NOVA1: variants seen among roughly 807,000 people sequenced by gnomAD.
The protein encoded by NOVA1 is NOVA alternative splicing regulator 1, also known as RNA-binding protein Nova-1.
NOVA1 carries 7 observed loss-of-function variants against 38.0 expected under a neutral mutation model. The observed-to-expected ratio is 0.18, with a 90% CI of 0.10 to 0.35. NOVA1 has a LOEUF of 0.35. Ranked by LOEUF, NOVA1 falls within the 10% of genes least tolerant of loss-of-function variation. The pLI, the probability that NOVA1 is intolerant of heterozygous loss-of-function variation, is 1.00. For missense variants in NOVA1, 460 were observed against 616.0 expected (o/e 0.75, Z 2.68); for synonymous variants, 270 against 232.5 (o/e 1.16, Z -1.47).
At chr14:26,595,252 A>G (rs1213519209) in intron 2 of NOVA1, among the ~76,000 whole-genome samples, 158 bp downstream of exon 2, 1 of 152,194 alleles carries the variant, frequency 6.6e-6, no homozygotes, top group African/African-American at 2.4e-5. Flanking sequence ...AACAATAGAA[A>G]TAATCTGAAA....
At chr14:26,472,434 C>A in intron 3 of NOVA1, 43 bp from the exon 4 acceptor site, 1 of 833,966 alleles carries the variant, frequency 1.2e-6, no homozygotes, top group Non-Finnish European at 1.8e-6. Flanking sequence ...CCTTTATAAG[C>A]CTTAAACTGA....
At chr14:26,568,367 G>A (rs981071083) in intron 2 of NOVA1, 2 of 152,146 alleles carry the variant, frequency 1.3e-5, no homozygotes, top group African/African-American at 4.8e-5. Flanking sequence ...GAGTCAGACA[G>A]ACTTGAGTAC....
At chr14:26,492,648 G>A (rs1479763998) in intron 2 of NOVA1, among the ~76,000 whole-genome samples, 1 of 152,092 alleles carries the variant, frequency 6.6e-6, no homozygotes, top group Non-Finnish European at 1.5e-5. Flanking sequence ...CTATAATGCT[G>A]AGAACAAATA....
At chr14:26,549,590 C>A in intron 2 of NOVA1, 1 of 420,684 alleles carries the variant, frequency 2.4e-6, no homozygotes, top group Non-Finnish European at 4.1e-6. Flanking sequence ...TTTAACTGAC[C>A]TCAATACACT....
At chr14:26,454,997 A>G (rs1320746005) in intron 4 of NOVA1, among the ~76,000 whole-genome samples, 2 of 152,288 alleles carry the variant, frequency 1.3e-5, no homozygotes, top group Non-Finnish European at 2.9e-5. Context: ...CTTCAAATAA[A>G]TAAAAATCTG....
intron 4 of NOVA1, among the ~76,000 whole-genome samples, chr14:26,464,372 G>T (rs1200053929): frequency 6.6e-6 from 1 of 152,174 alleles, no homozygotes; most frequent in African/African-American, 2.4e-5. Flanking sequence ...TGCTGTATAG[G>T]TTTGTAGCCT....
At chr14:26,462,073 G>T (rs994368870) in intron 4 of NOVA1, among the ~76,000 whole-genome samples, 2 of 151,900 alleles carry the variant, frequency 1.3e-5, no homozygotes, top group East Asian at 1.9e-4. Flanking sequence ...TTGACAAAAA[G>T]ATTTTTTTTT....
chr14:26,572,978 G>C (rs538121486), intron 2 of NOVA1, among the ~76,000 whole-genome samples: 38 of 152,088 alleles, frequency 2.5e-4, no homozygotes, highest in African/African-American at 9.2e-4. Context: ...AAACAGTTTT[G>C]AGCTGAACAT....
rs178223 is a variant in NOVA1, at chr14:26,456,980, T to C, written c.520-8017A>G. 9.9e-4 allele frequency among the ~76,000 whole-genome samples: 150 copies of C among 151,436 alleles called. 2 individuals carry two copies. The East Asian group carries it at 0.022, about 22-fold the overall frequency. On this transcript the variant is annotated intron_variant, in intron 4 of 4. Coordinates refer to ENST00000539517, the MANE Select transcript of NOVA1 (RefSeq NM_002515.3). Reference sequence around the variant, plus strand: ...ACAAATATATACACACACACACACATATATATATATGTAGTTTGGGTTAAA... The same window carrying C: ...ACAAATATATACACACACACACACACATATATATATGTAGTTTGGGTTAAA...
chr14:26,459,866 T>C (rs1883505382), intron 4 of NOVA1, among the ~76,000 whole-genome samples: 1 of 152,020 alleles, frequency 6.6e-6, no homozygotes, highest in South Asian at 2.1e-4. Flanking sequence ...ACTTTCACAA[T>C]TTGGATTTTT....
At chr14:26,490,905 A>T (rs1886286094) in intron 2 of NOVA1, among the ~76,000 whole-genome samples, 1 of 133,464 alleles carries the variant, frequency 7.5e-6, no homozygotes, top group Non-Finnish European at 1.5e-5. Context: ...GCTGGAGTGC[A>T]GTGGCGCAAT....
intron 4 of NOVA1, among the ~76,000 whole-genome samples, chr14:26,467,957 T>C (rs1247114924): frequency 6.6e-6 from 1 of 152,176 alleles, no homozygotes; most frequent in Non-Finnish European, 1.5e-5. Flanking sequence ...TACCCACTGG[T>C]GTTACAACCT....
In NOVA1 at chr14:26,597,470, G is replaced by T. The variant is rs1894270842; in HGVS notation, c.-34C>A. The T allele has an allele frequency of 1.6e-6, 2 of 1,258,262 alleles. No individual in the cohort carries two copies. The highest frequency in any genetic ancestry group is 1.6e-5 in the African/African-American group (1 of 62,354). The allele number at this position is 1,258,262 out of a possible 1,614,324, so 77.9% of individuals were successfully genotyped here. ...TTCCTGCCGCTGCTACCGGGAGAAGGTTCTCCCTTTTGTTTTGGCTTTTTC... is the reference window on the plus strand; with the variant it reads ...TTCCTGCCGCTGCTACCGGGAGAAGTTTCTCCCTTTTGTTTTGGCTTTTTC... On this transcript the variant is annotated 5_prime_UTR_variant, in exon 1 of 5. Transcript: ENST00000539517.
chr14:26,537,649 G>A (rs1298918278), intron 2 of NOVA1, among the ~76,000 whole-genome samples: 3 of 152,036 alleles, frequency 2.0e-5, no homozygotes, highest in Admixed American at 6.6e-5. Context: ...CCCAACAATA[G>A]CCCCATACAG....
At chr14:26,563,761 T>C (rs1594541980) in intron 2 of NOVA1, among the ~76,000 whole-genome samples, 1 of 152,128 alleles carries the variant, frequency 6.6e-6, no homozygotes, top group Non-Finnish European at 1.5e-5. Context: ...AAAGCAAGCA[T>C]TGGATTCAGG....
intron 2 of NOVA1, among the ~76,000 whole-genome samples, chr14:26,513,117 T>G (rs1054971284): frequency 1.3e-5 from 2 of 152,024 alleles, no homozygotes; most frequent in African/African-American, 2.4e-5. Flanking sequence ...CAATGCTTTA[T>G]GCACTTTGCC....
At chr14:26,556,035 T>A (rs1311887575) in intron 2 of NOVA1, among the ~76,000 whole-genome samples, 3 of 152,196 alleles carry the variant, frequency 2.0e-5, no homozygotes, top group Non-Finnish European at 2.9e-5. Flanking sequence ...CTATTTCATG[T>A]ACTCAGAGAG....
At position 26,503,787 on chromosome 14, in the gene NOVA1, A is replaced by G. The variant is rs570850382; in HGVS notation, c.281-23644T>C. ...ATAAACTGATTCATCATGATAAACCAAAATTAAATTTATAACGTAGCCCTT... is the reference window on the plus strand; with the variant it reads ...ATAAACTGATTCATCATGATAAACCGAAATTAAATTTATAACGTAGCCCTT... On this transcript the variant is annotated intron_variant, in intron 2 of 4. Transcript: ENST00000539517. 6.3e-4 allele frequency among the ~76,000 whole-genome samples: 96 copies of G among 152,228 alleles called. 5 individuals carry two copies. In the South Asian group the frequency reaches 0.019, roughly 30 times the overall value.
intron 2 of NOVA1, among the ~76,000 whole-genome samples, chr14:26,481,922 T>C (rs1311017293): frequency 6.6e-6 from 1 of 150,708 alleles, no homozygotes; most frequent in Non-Finnish European, 1.5e-5. Flanking sequence ...GATTACATTC[T>C]TGTTTTTGGA....
Sources: allele counts gnomAD v4.1 joint callset (sites outside exome capture counted in the v4.1 genomes callset), GRCh38; gene constraint gnomAD v4.1.1; transcripts MANE v1.5; gene names NCBI Gene and HGNC (gene_info 2026-07-23, HGNC 2026-07-21).